Variants in WNK3 observed in about 807,000 individuals in gnomAD.
The protein encoded by WNK3 is WNK lysine deficient protein kinase 3, also known as serine/threonine-protein kinase WNK3.
A neutral mutation model predicts 116.7 loss-of-function variants in WNK3; 18 were observed. The observed-to-expected ratio is 0.15, with a 90% CI of 0.11 to 0.23. The LOEUF is 0.23. Among genes scored for constraint, WNK3 ranks in the 10% least tolerant of loss-of-function variants. The pLI is 1.00. For missense variants in WNK3, 993 were observed against 1,323.8 expected (o/e 0.75, Z 3.88); for synonymous variants, 404 against 469.4 (o/e 0.86, Z 1.80).
chrX:54,251,295 C>T, intron 15 of WNK3, 104 bp downstream of exon 15: 1 of 565,994 alleles, frequency 1.8e-6, no homozygotes, highest in Non-Finnish European at 2.8e-6. Flanking sequence ...AATAAGTTAC[C>T]AAATTAATTT....
rs56183922 is a variant in WNK3 at position 54,239,108 on chromosome X, G to GACAAA, written c.3652-14_3652-10dup. ...GCATCTGAGGACATCTCCTAATGGA[G>GACAAA]ACAAAACAAAACAAAACAAAACAAA... is the stretch of plus-strand genomic sequence containing the variant. On this transcript the variant is annotated splice_polypyrimidine_tract_variant and intron_variant, in intron 17 of 23. Transcript: ENST00000354646. The GACAAA allele has an allele frequency of 0.026, 22,656 of 861,329 alleles. 584 individuals are homozygous for GACAAA. Among genetic ancestry groups the GACAAA allele is most frequent in the Middle Eastern group, 0.041 (112 of 2,743 alleles). The allele number at this position is 861,329 out of a possible 1,213,427, so 71.0% of individuals were successfully genotyped here.
At chrX:54,317,588 A>T (rs1189441002) in intron 2 of WNK3, among the ~76,000 whole-genome samples, 1 of 111,390 alleles carries the variant, frequency 9.0e-6, no homozygotes, top group African/African-American at 3.3e-5. Flanking sequence ...GTAGAATAGT[A>T]GTTAACAGGA....
Position 54,253,577 on chromosome X carries a change from TA to T in WNK3, c.2367+381del, listed in dbSNP as rs1274684069. Among the ~76,000 whole-genome samples, 15 of 104,375 alleles carry T rather than the reference TA, an allele frequency of 1.4e-4. No individual in the cohort carries two copies. In the East Asian group the frequency reaches 3.9e-3, roughly 27 times the overall value. 90.6% of individuals were successfully genotyped at this position (104,375 alleles called of 115,157 possible). A position where few individuals can be genotyped will look rare whatever the true frequency, so the allele number is the denominator to read the frequency against. On this transcript the variant is annotated intron_variant, in intron 13 of 23. Coordinates refer to ENST00000354646, the Ensembl canonical transcript of WNK3. ...CCACTGTGCCCAGCAAAAAATAAAC[TA>T]AAAAAAAAAGAATTACCTGGGGAGC...
chrX:54,242,527 T>TAAAA (rs1557151812), intron 17 of WNK3, among the ~76,000 whole-genome samples: 1 of 112,587 alleles, frequency 8.9e-6, no homozygotes, highest in Non-Finnish European at 1.9e-5. Context: ...AAATGTACTA[T>TAAAA]AAAACTACAG....
At chrX:54,227,204 T>A (rs2067853311) in intron 22 of WNK3, among the ~76,000 whole-genome samples, 1 of 111,035 alleles carries the variant, frequency 9.0e-6, no homozygotes, top group Non-Finnish European at 1.9e-5. Flanking sequence ...GTCTTAAAAA[T>A]TTTTTTTTCT....
intron 15 of WNK3, 69 bp downstream of exon 15, chrX:54,251,330 A>C: frequency 1.5e-6 from 1 of 686,884 alleles, no homozygotes; most frequent in South Asian, 2.9e-5. Context: ...TTCCCAATGA[A>C]GGTGTGTTAA....
At position 54,205,268 on chromosome X, in the gene WNK3, CA is replaced by C. The variant is rs1557142469; in HGVS notation, c.4871-3076del. Among the ~76,000 whole-genome samples, 599 of 65,660 alleles carry C rather than the reference CA, an allele frequency of 9.1e-3. 2 individuals carry two copies. Among genetic ancestry groups the C allele is most frequent in the African/African-American group, 0.029 (207 of 7,036 alleles). 57.0% of individuals were successfully genotyped at this position (65,660 alleles called of 115,157 possible). A position where few individuals can be genotyped will look rare whatever the true frequency, so the allele number is the denominator to read the frequency against. The stretch of plus-strand genomic sequence containing the variant: ...CCAACCAACCAACCAACCAACCAAC[CA>C]AACAAACAAACAACAAAAAAAAGAA... On this transcript the variant is annotated intron_variant, in intron 22 of 23. Transcript: ENST00000354646.
intron 1 of WNK3, among the ~76,000 whole-genome samples, chrX:54,353,497 G>A (rs996827488): frequency 5.5e-5 from 6 of 109,864 alleles, no homozygotes; most frequent in African/African-American, 2.0e-4. Context: ...GGTTAAAATG[G>A]TAAGTTTGTA....
intron 10 of WNK3, among the ~76,000 whole-genome samples, chrX:54,280,057 G>A (rs1409897685): frequency 8.9e-6 from 1 of 112,197 alleles, no homozygotes; most frequent in Non-Finnish European, 1.9e-5. Context: ...CCAGCACTTC[G>A]GGAGGCCGAG....
At chrX:54,345,016 G>A (rs2069394229) in intron 1 of WNK3, among the ~76,000 whole-genome samples, 2 of 109,094 alleles carry the variant, frequency 1.8e-5, no homozygotes, top group Non-Finnish European at 3.8e-5. Context: ...CTGGGAGGCC[G>A]AGGCGGGCGG....
chrX:54,215,756 C>G (rs1307852918), intron 22 of WNK3, among the ~76,000 whole-genome samples: 1 of 111,335 alleles, frequency 9.0e-6, no homozygotes, highest in Non-Finnish European at 1.9e-5. Flanking sequence ...GCCCCTCTGC[C>G]CGGCCGCCAC....
chrX:54,273,201 G>A (rs1557159818), intron 10 of WNK3, among the ~76,000 whole-genome samples: 3 of 112,337 alleles, frequency 2.7e-5, no homozygotes, highest in Non-Finnish European at 3.8e-5. Flanking sequence ...GTAGATAAGA[G>A]AAATTCTGTG....
intron 22 of WNK3, among the ~76,000 whole-genome samples, chrX:54,227,885 TTTTA>T (rs1488230460): frequency 1.8e-5 from 2 of 112,045 alleles, no homozygotes; most frequent in Non-Finnish European, 3.8e-5. Context: ...TCTTATTTTA[TTTTA>T]TTTATTTTAT....
rs1169759295 is a variant in WNK3, at chrX:54,357,712, ACT to A, written c.-148_-147del. On this transcript the variant is annotated 5_prime_UTR_variant, in exon 1 of 24. An upstream open reading frame in the 5' UTR gains an earlier in-frame stop. Coordinates refer to ENST00000354646, the Ensembl canonical transcript of WNK3. ...AGATTAGAGGCTCTCGCAAAGGAAG[ACT>A]CTCTTACTCTTTTCGCTTCTCCCTC... The A allele has an allele frequency of 9.1e-6, 1 of 109,483 alleles. No individual in the cohort carries two copies. Among genetic ancestry groups the A allele is most frequent in the Non-Finnish European group, 1.9e-5 (1 of 52,329 alleles). The allele number at this position is 109,483 out of a possible 1,213,427, so 9.0% of individuals were successfully genotyped here.
rs144130296 is a variant in WNK3, at chrX:54,264,984, C to T, written c.2038-5646G>A. Among the ~76,000 whole-genome samples the T allele has an allele frequency of 7.3e-3, 808 of 110,920 alleles. 9 individuals are homozygous for T. The highest frequency in any genetic ancestry group is 0.026 in the African/African-American group (790 of 30,559). ...AGCCAAATGAGCAAGGATGCAGACA[C>T]ATTTTGGCAGCCCTGCATGTTGGAG... On this transcript the variant is annotated intron_variant, in intron 10 of 23. Coordinates refer to ENST00000354646, the Ensembl canonical transcript of WNK3.
chrX:54,236,764 T>C (rs2067965862), intron 20 of WNK3, among the ~76,000 whole-genome samples, 174 bp downstream of exon 20: 2 of 112,206 alleles, frequency 1.8e-5, no homozygotes, highest in Admixed American at 9.5e-5. Context: ...CTTGAGACTA[T>C]GAAAACATTT....
At chrX:54,263,180 A>C (rs1365244944) in intron 10 of WNK3, among the ~76,000 whole-genome samples, 7 of 111,434 alleles carry the variant, frequency 6.3e-5, no homozygotes, top group Non-Finnish European at 1.1e-4. Context: ...TAAAAAGCTA[A>C]GCCCATGTAC....
chrX:54,222,148 A>C (rs1161600111), intron 22 of WNK3, among the ~76,000 whole-genome samples: 5 of 109,958 alleles, frequency 4.5e-5, no homozygotes, highest in Non-Finnish European at 9.5e-5. Context: ...CAAGAGCAAA[A>C]CTTCGTCTCA....
chrX:54,291,617 A>G (rs1603391360), intron 10 of WNK3, among the ~76,000 whole-genome samples: 2 of 111,913 alleles, frequency 1.8e-5, no homozygotes, highest in Admixed American at 1.9e-4. Flanking sequence ...AATAGGCACC[A>G]TATCACTTAT....
Sources: allele counts gnomAD v4.1 joint callset (sites outside exome capture counted in the v4.1 genomes callset), GRCh38; gene constraint gnomAD v4.1.1; transcripts MANE v1.5; gene names NCBI Gene and HGNC (gene_info 2026-07-23, HGNC 2026-07-21).